DIS3L2: variants seen among roughly 807,000 people sequenced by gnomAD.
DIS3L2 encodes the protein DIS3-like exonuclease 2.
DIS3L2 carries 34 observed loss-of-function variants against 97.5 expected under a neutral mutation model. The observed-to-expected ratio is 0.35, with a 90% CI of 0.27 to 0.46. DIS3L2 has a LOEUF of 0.46. Among genes scored for constraint, DIS3L2 ranks in the 20% least tolerant of loss-of-function variants. The pLI, the probability that DIS3L2 is intolerant of heterozygous loss-of-function variation, is 1.00. For synonymous variants in DIS3L2, 435 were observed against 445.2 expected (o/e 0.98, Z 0.29); for missense variants, 1,038 against 1,146.0 (o/e 0.91, Z 1.36).
At chr2:231,972,597 G>T (rs1692953363) in intron 1 of DIS3L2, among the ~76,000 whole-genome samples, 1 of 152,172 alleles carries the variant, frequency 6.6e-6, no homozygotes, top group Non-Finnish European at 1.5e-5. Flanking sequence ...AGGCTGGAGT[G>T]CAGTGGTGCA....
At chr2:232,193,883 C>T (rs150763357) in intron 9 of DIS3L2, among the ~76,000 whole-genome samples, 166 of 152,204 alleles carry the variant, frequency 1.1e-3, no homozygotes, top group Middle Eastern at 6.8e-3. Context: ...CCAAGGCAGG[C>T]GGATCACTTG....
At chr2:232,206,048 C>T (rs1224470521) in intron 9 of DIS3L2, among the ~76,000 whole-genome samples, 1 of 152,112 alleles carries the variant, frequency 6.6e-6, no homozygotes, top group Non-Finnish European at 1.5e-5. Flanking sequence ...GGCAAAGCCC[C>T]AAGTAGGACA....
chr2:232,343,231 T>C, intron 13 of DIS3L2: 1 of 846,228 alleles, frequency 1.2e-6, no homozygotes, highest in Admixed American at 2.4e-5. Context: ...GCTGTATCTT[T>C]CTGAAGCTAT....
At chr2:232,085,538 TTTAA>T (rs1574862292) in intron 5 of DIS3L2, among the ~76,000 whole-genome samples, 1 of 152,204 alleles carries the variant, frequency 6.6e-6, no homozygotes, top group East Asian at 1.9e-4. Flanking sequence ...TCATTTAAGT[TTTAA>T]TTATATGTTT....
intron 6 of DIS3L2, among the ~76,000 whole-genome samples, chr2:232,109,014 A>T (rs1157073788): frequency 3.9e-5 from 6 of 152,258 alleles, no homozygotes; most frequent in Non-Finnish European, 8.8e-5. Flanking sequence ...TGCTATTCCC[A>T]TTAAACTACC....
At chr2:232,172,522 A>G (rs1691020821) in intron 9 of DIS3L2, 12 of 360,104 alleles carry the variant, frequency 3.3e-5, no homozygotes, top group South Asian at 2.3e-4. Context: ...GATATTTCAC[A>G]TTTTGTTTAT....
At chr2:232,274,333 G>C (rs1694084421) in intron 13 of DIS3L2, among the ~76,000 whole-genome samples, 1 of 152,134 alleles carries the variant, frequency 6.6e-6, no homozygotes, top group Non-Finnish European at 1.5e-5. Context: ...TCTGTTCACG[G>C]GACACACTGC....
chr2:232,329,789 T>TGGCCCCC, intron 14 of DIS3L2, 24 bp from the exon 15 acceptor site: 2 of 368,620 alleles, frequency 5.4e-6, no homozygotes, highest in East Asian at 7.6e-5. Flanking sequence ...CAGCGGTCCC[T>TGGCCCCC]CCCATCCCAC....
At chr2:232,046,799 T>G (rs1244179068) in intron 5 of DIS3L2, among the ~76,000 whole-genome samples, 1 of 152,162 alleles carries the variant, frequency 6.6e-6, no homozygotes, top group Non-Finnish European at 1.5e-5. Context: ...CTTCCCATTT[T>G]GGGGAGATCA....
intron 9 of DIS3L2, among the ~76,000 whole-genome samples, chr2:232,181,171 C>T (rs375330191): frequency 0.088 from 12,750 of 145,626 alleles, 710 homozygotes; most frequent in Non-Finnish European, 0.12. Context: ...GGGTTTCTGC[C>T]GAGAGATCCG....
intron 11 of DIS3L2, among the ~76,000 whole-genome samples, chr2:232,247,616 C>CGGTGGGGGGGGG (rs1559173558): frequency 1.5e-4 from 1 of 6,514 alleles, no homozygotes. Context: ...ATAACTGCCG[C>CGGTGGGGGGGGG]GGGGGGGGGG....
intron 14 of DIS3L2, among the ~76,000 whole-genome samples, chr2:232,311,788 T>A (rs1343494751): frequency 6.6e-6 from 1 of 152,238 alleles, no homozygotes; most frequent in Non-Finnish European, 1.5e-5. Flanking sequence ...TGCTGTTGCA[T>A]CTATAGTCCA....
intron 4 of DIS3L2, among the ~76,000 whole-genome samples, chr2:232,028,109 A>G (rs899755418): frequency 2.0e-5 from 3 of 152,314 alleles, no homozygotes; most frequent in East Asian, 3.9e-4. Flanking sequence ...TGCTGTGACC[A>G]TCGTGGCATA....
intron 9 of DIS3L2, among the ~76,000 whole-genome samples, chr2:232,188,979 G>A (rs530418808): frequency 1.3e-5 from 2 of 152,170 alleles, no homozygotes; most frequent in African/African-American, 2.4e-5. Context: ...TTAACATCAC[G>A]ACCCATTCGA....
At chr2:232,088,390 C>CAAAA (rs778505065) in intron 6 of DIS3L2, among the ~76,000 whole-genome samples, 13 of 55,690 alleles carry the variant, frequency 2.3e-4, no homozygotes, top group East Asian at 7.7e-4. Flanking sequence ...ACTAAAAATA[C>CAAAA]AAAAAAAAAA....
intron 9 of DIS3L2, among the ~76,000 whole-genome samples, chr2:232,203,230 C>A (rs1300077345): frequency 6.6e-6 from 1 of 152,124 alleles, no homozygotes; most frequent in African/African-American, 2.4e-5. Context: ...TTCACCCATT[C>A]TTCATCATTG....
intron 6 of DIS3L2, chr2:232,111,371 C>T (rs1007363807): frequency 7.2e-6 from 3 of 416,178 alleles, no homozygotes; most frequent in Admixed American, 5.4e-5. Context: ...GTTTGCTTCC[C>T]TTTTCCCTTT....
chr2:232,022,616 C>T (rs1281638695), intron 3 of DIS3L2, among the ~76,000 whole-genome samples: 1 of 152,090 alleles, frequency 6.6e-6, no homozygotes, highest in African/African-American at 2.4e-5. Context: ...CATCTGGAAT[C>T]AGAAAATGAA....
chr2:232,245,849 A>G (rs986552766), intron 11 of DIS3L2, among the ~76,000 whole-genome samples: 37 of 152,230 alleles, frequency 2.4e-4, no homozygotes, highest in African/African-American at 8.4e-4. Context: ...TGTAGCTTAT[A>G]CTTAAAATAC....
Sources: allele counts gnomAD v4.1 joint callset (sites outside exome capture counted in the v4.1 genomes callset), GRCh38; gene constraint gnomAD v4.1.1; transcripts MANE v1.5; gene names NCBI Gene and HGNC (gene_info 2026-07-23, HGNC 2026-07-21).